The following RIT2 variants were observed in gnomAD, a reference collection of about 807,000 sequenced individuals.
RIT2 encodes GTP-binding protein Rit2.
RIT2 carries 24 observed loss-of-function variants against 23.7 expected under a neutral mutation model. The observed-to-expected ratio is 1.01, with a 90% CI of 0.73 to 1.43. RIT2 has a LOEUF of 1.43. RIT2 is among the 40% of genes most tolerant of loss of function. RIT2 has a pLI of 0.00. For missense variants in RIT2, 236 were observed against 266.9 expected, an observed-to-expected ratio of 0.88 and a Z score of 0.81; for synonymous variants, 107 against 91.1, an observed-to-expected ratio of 1.17 and a Z score of -0.99.
chr18:42,973,186 CT>C (rs1236746536), intron 3 of RIT2, among the ~76,000 whole-genome samples: 6 of 151,480 alleles, frequency 4.0e-5, no homozygotes, highest in African/African-American at 1.5e-4. Flanking sequence ...TTGTTTTATT[CT>C]TTTGTTCAAT....
intron 4 of RIT2, among the ~76,000 whole-genome samples, chr18:42,903,935 G>A (rs774208037): frequency 4.6e-5 from 7 of 151,906 alleles, no homozygotes; most frequent in East Asian, 1.9e-4. Context: ...ATTATAAAAC[G>A]CATGTGGCAG....
intron 1 of RIT2, among the ~76,000 whole-genome samples, chr18:43,113,180 G>A (rs1466620514): frequency 6.6e-6 from 1 of 152,112 alleles, no homozygotes; most frequent in Non-Finnish European, 1.5e-5. Context: ...ATGTTTATAT[G>A]CTGATGGAAG....
At position 42,965,711 on chromosome 18, in the gene RIT2, C is replaced by CTTT. The variant is rs58344278; in HGVS notation, c.234+8360_234+8362dup. 6.5e-3 allele frequency among the ~76,000 whole-genome samples: 244 copies of CTTT among 37,766 alleles called. 76 individuals are homozygous for CTTT. Among genetic ancestry groups the CTTT allele is most frequent in the Non-Finnish European group, 7.9e-3 (148 of 18,722 alleles). 24.8% of individuals were successfully genotyped at this position (37,766 alleles called of 152,430 possible). Reference sequence around the variant, plus strand: ...GGTAAACAAAGATGTGTACTGATGGCTTTTTTTTTTTTTTTTTTTTTTTTT... The same window carrying CTTT: ...GGTAAACAAAGATGTGTACTGATGGCTTTTTTTTTTTTTTTTTTTTTTTTTTTT... On this transcript the variant is annotated intron_variant, in intron 3 of 4. Transcript: ENST00000326695.
chr18:43,024,436 C>T (rs951191953), intron 2 of RIT2, among the ~76,000 whole-genome samples: 1 of 151,732 alleles, frequency 6.6e-6, no homozygotes, highest in Non-Finnish European at 1.5e-5. Flanking sequence ...AATGTAAGAC[C>T]TAAAAATATA....
At chr18:42,812,965 T>C (rs1217594098) in intron 4 of RIT2, among the ~76,000 whole-genome samples, 2 of 152,216 alleles carry the variant, frequency 1.3e-5, no homozygotes, top group African/African-American at 4.8e-5. Flanking sequence ...ATATGTGCTT[T>C]AAACCATATT....
At chr18:43,046,060 C>A (rs1274370824) in intron 1 of RIT2, among the ~76,000 whole-genome samples, 1 of 152,034 alleles carries the variant, frequency 6.6e-6, no homozygotes, top group African/African-American at 2.4e-5. Flanking sequence ...AAGGCAATGG[C>A]TAATAGGCTG....
intron 3 of RIT2, among the ~76,000 whole-genome samples, chr18:42,940,236 C>CTATATATATA (rs5824460): frequency 0.056 from 4,818 of 86,236 alleles, 279 homozygotes; most frequent in African/African-American, 0.12. Context: ...GAAAGGCTCA[C>CTATATATATA]TATATATATA....
chr18:43,019,188 A>C (rs2144263650), intron 2 of RIT2, among the ~76,000 whole-genome samples: 1 of 152,110 alleles, frequency 6.6e-6, no homozygotes, highest in Admixed American at 6.6e-5. Flanking sequence ...CCGAAAATAA[A>C]GGGATAGAAA....
intron 2 of RIT2, among the ~76,000 whole-genome samples, chr18:43,025,606 T>C (rs965889843): frequency 2.0e-5 from 3 of 152,052 alleles, no homozygotes; most frequent in African/African-American, 4.8e-5. Flanking sequence ...CATACATAGA[T>C]ATATATGTCA....
At chr18:42,982,794 A>G (rs1160495299) in intron 2 of RIT2, among the ~76,000 whole-genome samples, 1 of 152,128 alleles carries the variant, frequency 6.6e-6, no homozygotes, top group East Asian at 1.9e-4. Context: ...AAACACATAC[A>G]TAATTTATAT....
At chr18:42,984,828 T>A (rs1910674795) in intron 2 of RIT2, among the ~76,000 whole-genome samples, 1 of 152,048 alleles carries the variant, frequency 6.6e-6, no homozygotes, top group Admixed American at 6.6e-5. Context: ...ACATCATGAT[T>A]TATAGAAAAA....
intron 1 of RIT2, among the ~76,000 whole-genome samples, chr18:43,101,880 A>G (rs1243631284): frequency 6.6e-6 from 1 of 152,202 alleles, no homozygotes. Context: ...CTCATTCATT[A>G]AGACGGAGCA....
At chr18:42,790,444 T>C (rs1028055189) in intron 4 of RIT2, among the ~76,000 whole-genome samples, 32 of 152,196 alleles carry the variant, frequency 2.1e-4, no homozygotes, top group Admixed American at 1.6e-3. Flanking sequence ...TTTACTTTTA[T>C]TTATTTTTAT....
intron 1 of RIT2, among the ~76,000 whole-genome samples, chr18:43,039,403 C>T (rs1912073076): frequency 6.8e-6 from 1 of 146,102 alleles, no homozygotes; most frequent in Non-Finnish European, 1.5e-5. Context: ...GGCTGGAGTG[C>T]AATGGTGCGA....
At chr18:42,913,694 T>C (rs1318690722) in intron 4 of RIT2, among the ~76,000 whole-genome samples, 1 of 151,984 alleles carries the variant, frequency 6.6e-6, no homozygotes, top group Non-Finnish European at 1.5e-5. Context: ...AAAAAGGTGG[T>C]TGCTAGGGAC....
intron 2 of RIT2, among the ~76,000 whole-genome samples, chr18:42,993,754 T>G (rs1012163923): frequency 6.6e-5 from 10 of 151,886 alleles, no homozygotes; most frequent in African/African-American, 2.4e-5. Flanking sequence ...CCCTTGTATC[T>G]CCCCACCTTA....
rs190475542 is a variant in RIT2 at position 43,099,045 on chromosome 18, T to A, written c.103+16372A>T. Among the ~76,000 whole-genome samples, 3 of 152,144 alleles carry A rather than the reference T, an allele frequency of 2.0e-5. No homozygotes were observed. The East Asian group carries it at 5.8e-4, about 29-fold the overall frequency. On this transcript the variant is annotated intron_variant, in intron 1 of 4. Transcript: ENST00000326695. ...AGATGAACTTTTCTGATTTTCTATT[T>A]TGGTTCTAGGTAAATCATATATAAC...
chr18:42,812,822 C>T (rs1905888768), intron 4 of RIT2, among the ~76,000 whole-genome samples: 1 of 152,148 alleles, frequency 6.6e-6, no homozygotes, highest in Non-Finnish European at 1.5e-5. Context: ...CAAATCTACT[C>T]TTAAAAAAGC....
chr18:42,786,703 A>G (rs1913929736), intron 4 of RIT2, among the ~76,000 whole-genome samples: 1 of 152,172 alleles, frequency 6.6e-6, no homozygotes, highest in African/African-American at 2.4e-5. Context: ...CTCCAGTCAC[A>G]TAGAGCTCCT....
Sources: gnomAD v4.1 joint callset for allele counts (sites outside exome capture counted in the v4.1 genomes callset) on GRCh38, gnomAD v4.1.1 for gene constraint, MANE v1.5 for transcripts, NCBI Gene and HGNC (gene_info 2026-07-23, HGNC 2026-07-21) for gene names.